CCDC192: variants seen among roughly 807,000 people sequenced by gnomAD.
CCDC192 encodes the protein coiled-coil domain containing 192.
intron 2 of CCDC192, among the ~76,000 whole-genome samples, chr5:127,710,904 G>A (rs1751293877): frequency 6.6e-6 from 1 of 152,214 alleles, no homozygotes; most frequent in Admixed American, 6.5e-5. Context: ...TCAGGTGCCA[G>A]GTAGTCCCCA....
At chr5:127,734,922 T>G (rs1351023139) in intron 2 of CCDC192, among the ~76,000 whole-genome samples, 4 of 150,724 alleles carry the variant, frequency 2.7e-5, no homozygotes, top group African/African-American at 9.8e-5. Flanking sequence ...GCAGAAGCTC[T>G]TTAGTTTAAT....
intron 5 of CCDC192, among the ~76,000 whole-genome samples, chr5:127,840,895 T>C (rs1750253748): frequency 6.6e-6 from 1 of 152,210 alleles, no homozygotes; most frequent in Admixed American, 6.5e-5. Flanking sequence ...GTTTGATGAA[T>C]GTAAAAGCAC....
chr5:127,869,219 G>A (rs1310455289), intron 5 of CCDC192, among the ~76,000 whole-genome samples: 12 of 152,194 alleles, frequency 7.9e-5, no homozygotes. Flanking sequence ...AGCTACTTGG[G>A]AGGTTGAGGC....
chr5:127,714,362 GT>G (rs1751503776), intron 2 of CCDC192, among the ~76,000 whole-genome samples: 1 of 152,120 alleles, frequency 6.6e-6, no homozygotes, highest in Admixed American at 6.5e-5. Context: ...TGACCCAGTA[GT>G]GGGGCTGTTG....
intron 5 of CCDC192, among the ~76,000 whole-genome samples, chr5:127,866,026 G>A (rs1286883770): frequency 2.6e-5 from 4 of 152,178 alleles, no homozygotes; most frequent in Admixed American, 2.6e-4. Context: ...ATCAAGAACA[G>A]AGAGCTTTCA....
intron 2 of CCDC192, among the ~76,000 whole-genome samples, chr5:127,730,393 C>T (rs75605209): frequency 8.5e-5 from 13 of 152,122 alleles, no homozygotes; most frequent in African/African-American, 3.1e-4. Context: ...GCCTACCAAC[C>T]AAAAGAAGCC....
chr5:127,746,613 T>TTC (rs1491356869), intron 2 of CCDC192, among the ~76,000 whole-genome samples: 2 of 44,950 alleles, frequency 4.4e-5, no homozygotes, highest in Non-Finnish European at 1.1e-4. Context: ...GTTTAAAGCC[T>TTC]TTTTTTTTTT....
intron 3 of CCDC192, among the ~76,000 whole-genome samples, chr5:127,764,370 T>A (rs1755098444): frequency 6.6e-6 from 1 of 152,156 alleles, no homozygotes; most frequent in Non-Finnish European, 1.5e-5. Context: ...GATTTGGTGA[T>A]TAATTAAATG....
At chr5:127,924,919 A>G (rs1255915138) in intron 6 of CCDC192, among the ~76,000 whole-genome samples, 2 of 152,134 alleles carry the variant, frequency 1.3e-5, no homozygotes, top group African/African-American at 2.4e-5. Flanking sequence ...TCTCACAAGT[A>G]CAGAGGAGGA....
intron 2 of CCDC192, among the ~76,000 whole-genome samples, chr5:127,752,115 C>T (rs565361547): frequency 6.6e-6 from 1 of 152,346 alleles, no homozygotes; most frequent in South Asian, 2.1e-4. Context: ...TCCCTCAGCT[C>T]ATCAAAGTCA....
At chr5:127,853,087 CAG>C (rs1491497713) in intron 5 of CCDC192, among the ~76,000 whole-genome samples, 2 of 151,460 alleles carry the variant, frequency 1.3e-5, no homozygotes, top group Non-Finnish European at 2.9e-5. Flanking sequence ...AAGACTGTCT[CAG>C]AAAAAAAAAA....
chr5:127,879,111 G>C (rs1178426819), intron 6 of CCDC192, among the ~76,000 whole-genome samples: 1 of 152,060 alleles, frequency 6.6e-6, no homozygotes, highest in African/African-American at 2.4e-5. Flanking sequence ...TTTGGGCTGA[G>C]ACAATGGGGT....
At chr5:127,889,748 C>T (rs559210001) in intron 6 of CCDC192, among the ~76,000 whole-genome samples, 13 of 152,350 alleles carry the variant, frequency 8.5e-5, no homozygotes, top group East Asian at 5.8e-4. Flanking sequence ...CCAGTTGGCA[C>T]GCTGGGCCAG....
chr5:127,718,411 A>AT (rs1431870789), intron 2 of CCDC192, among the ~76,000 whole-genome samples: 2 of 152,054 alleles, frequency 1.3e-5, no homozygotes, highest in Non-Finnish European at 2.9e-5. Context: ...TACCCATGAC[A>AT]TTTTTTTCTC....
chr5:127,845,558 AAAAC>A (rs935422906), intron 5 of CCDC192, among the ~76,000 whole-genome samples: 7 of 152,190 alleles, frequency 4.6e-5, no homozygotes, highest in African/African-American at 1.4e-4. Flanking sequence ...GCTCAGAGGA[AAAAC>A]AAACAAACAA....
intron 6 of CCDC192, among the ~76,000 whole-genome samples, chr5:127,889,880 A>C (rs550939774): frequency 1.6e-5 from 2 of 127,050 alleles, no homozygotes; most frequent in East Asian, 2.1e-4. Context: ...CAGTTTTATA[A>C]ATTTTTTTTT....
At chr5:127,831,876 T>C (rs1462333414) in intron 5 of CCDC192, among the ~76,000 whole-genome samples, 1 of 152,084 alleles carries the variant, frequency 6.6e-6, no homozygotes, top group Non-Finnish European at 1.5e-5. Flanking sequence ...AAAATTTAAT[T>C]TGATACAAGG....
At chr5:127,882,476 T>A (rs1752397176) in intron 6 of CCDC192, among the ~76,000 whole-genome samples, 2 of 152,232 alleles carry the variant, frequency 1.3e-5, no homozygotes, top group South Asian at 4.2e-4. Context: ...CAACTAGGTG[T>A]TAGGAAAAGA....
intron 6 of CCDC192, among the ~76,000 whole-genome samples, chr5:127,918,066 T>A (rs778322440): frequency 6.6e-6 from 1 of 151,716 alleles, no homozygotes; most frequent in Non-Finnish European, 1.5e-5. Flanking sequence ...GTCCAGGAGG[T>A]CTAGGCTGCC....
Sources: allele counts gnomAD v4.1 joint callset (sites outside exome capture counted in the v4.1 genomes callset), GRCh38; gene constraint gnomAD v4.1.1; transcripts MANE v1.5; gene names NCBI Gene and HGNC (gene_info 2026-07-23, HGNC 2026-07-21).